Variants in SPAG16 observed in about 807,000 individuals in gnomAD.
SPAG16 encodes sperm-associated antigen 16 protein.
In SPAG16, 86 loss-of-function variants were observed where a neutral mutation model predicts 80.4. The observed-to-expected ratio is 1.07, with a 90% confidence interval of 0.90 to 1.28. SPAG16 has a LOEUF of 1.28. Among genes scored for constraint, SPAG16 ranks in the 50% most tolerant of loss-of-function variants. The pLI is 0.00. For synonymous variants in SPAG16, 294 were observed against 265.9 expected (o/e 1.11, Z -1.03); for missense variants, 870 against 765.3 (o/e 1.14, Z -1.61).
chr2:214,083,416 T>C (rs939054479), intron 13 of SPAG16, among the ~76,000 whole-genome samples: 2 of 152,248 alleles, frequency 1.3e-5, no homozygotes, highest in African/African-American at 4.8e-5. Flanking sequence ...ACTCTGCCAA[T>C]GGCTATGTGG....
Position 213,367,243 on chromosome 2 carries a change from A to T in SPAG16, c.832+3098A>T, listed in dbSNP as rs1043597165. Among the ~76,000 whole-genome samples the T allele has an allele frequency of 6.8e-3, 51 of 7,512 alleles. No homozygotes were observed. The Non-Finnish European group carries it at 0.098, about 14-fold the overall frequency. The allele number at this position is 7,512 out of a possible 152,430, so 4.9% of individuals were successfully genotyped here. A position where few individuals can be genotyped will look rare whatever the true frequency, so the allele number is the denominator to read the frequency against. ...TGCTATTGTGAATAGTGCCGCAATA[A>T]ACATAATGTGTGCATGTGTCTTTAC... On this transcript the variant is annotated intron_variant, in intron 8 of 15. Transcript: ENST00000331683.
chr2:213,663,578 C>T (rs775705173), intron 10 of SPAG16, among the ~76,000 whole-genome samples: 2 of 151,952 alleles, frequency 1.3e-5, no homozygotes, highest in East Asian at 1.9e-4. Flanking sequence ...AATTTGATAA[C>T]GTATACATAA....
At chr2:213,621,914 T>G (rs563377718) in intron 10 of SPAG16, among the ~76,000 whole-genome samples, 1 of 152,300 alleles carries the variant, frequency 6.6e-6, no homozygotes, top group East Asian at 1.9e-4. Flanking sequence ...GGACTACATT[T>G]TTTAGCAAGA....
chr2:213,984,259 T>C (rs955405163), intron 12 of SPAG16, among the ~76,000 whole-genome samples: 40 of 152,264 alleles, frequency 2.6e-4, no homozygotes, highest in African/African-American at 9.4e-4. Flanking sequence ...CATTGCATAC[T>C]GGACTATGTC....
At chr2:213,947,979 C>T (rs1163951586) in intron 12 of SPAG16, among the ~76,000 whole-genome samples, 1 of 151,982 alleles carries the variant, frequency 6.6e-6, no homozygotes, top group Non-Finnish European at 1.5e-5. Context: ...TTACTTTAAC[C>T]TGACTTTGCT....
intron 10 of SPAG16, among the ~76,000 whole-genome samples, chr2:213,721,164 A>G (rs544380136): frequency 2.6e-5 from 4 of 152,058 alleles, no homozygotes; most frequent in African/African-American, 7.2e-5. Context: ...CAGTGGCTTG[A>G]TCTCGGCTCA....
chr2:213,687,679 C>T (rs112458380), intron 10 of SPAG16, among the ~76,000 whole-genome samples: 7 of 151,996 alleles, frequency 4.6e-5, no homozygotes, highest in Non-Finnish European at 8.8e-5. Flanking sequence ...TGACCCCTTT[C>T]GAGATTTTAT....
chr2:213,630,292 G>C (rs1370602216), intron 10 of SPAG16, among the ~76,000 whole-genome samples: 2 of 151,968 alleles, frequency 1.3e-5, no homozygotes, highest in Admixed American at 1.3e-4. Context: ...GCTGAGGCAG[G>C]AGAATCGCTT....
At chr2:213,756,194 C>A (rs2068321144) in intron 10 of SPAG16, among the ~76,000 whole-genome samples, 1 of 152,054 alleles carries the variant, frequency 6.6e-6, no homozygotes, top group Non-Finnish European at 1.5e-5. Flanking sequence ...AGAAAAAAGT[C>A]TATGGGCCAG....
intron 13 of SPAG16, among the ~76,000 whole-genome samples, chr2:214,099,212 G>A (rs2052819164): frequency 6.6e-6 from 1 of 152,100 alleles, no homozygotes; most frequent in Non-Finnish European, 1.5e-5. Flanking sequence ...TCCTGGGAGA[G>A]TGGTGACTTT....
At chr2:214,244,241 G>GA (rs1196483333) in intron 15 of SPAG16, among the ~76,000 whole-genome samples, 1 of 151,694 alleles carries the variant, frequency 6.6e-6, no homozygotes, top group Non-Finnish European at 1.5e-5. Context: ...TATGAAAATT[G>GA]AAAACATGAC....
intron 15 of SPAG16, among the ~76,000 whole-genome samples, chr2:214,245,161 T>C (rs1431133249): frequency 6.6e-6 from 1 of 152,182 alleles, no homozygotes; most frequent in Non-Finnish European, 1.5e-5. Flanking sequence ...GCCAAATTAC[T>C]GCACAAGAAT....
At chr2:213,462,727 T>G (rs2072447823) in intron 9 of SPAG16, among the ~76,000 whole-genome samples, 1 of 152,240 alleles carries the variant, frequency 6.6e-6, no homozygotes, top group African/African-American at 2.4e-5. Flanking sequence ...ATTGTAAGTT[T>G]CCTGAGGCCT....
chr2:213,798,525 T>TA (rs1311429398), intron 10 of SPAG16, among the ~76,000 whole-genome samples: 1 of 152,108 alleles, frequency 6.6e-6, no homozygotes, highest in African/African-American at 2.4e-5. Flanking sequence ...AGAATGTTGG[T>TA]ATTAACAGAT....
chr2:213,720,899 C>A (rs1359701981), intron 10 of SPAG16, among the ~76,000 whole-genome samples: 1 of 151,132 alleles, frequency 6.6e-6, no homozygotes, highest in Non-Finnish European at 1.5e-5. Context: ...TTGCCTGCCA[C>A]CACGCCCGGC....
chr2:213,500,209 A>T (rs2074678304), intron 10 of SPAG16, among the ~76,000 whole-genome samples: 1 of 152,190 alleles, frequency 6.6e-6, no homozygotes, highest in Non-Finnish European at 1.5e-5. Flanking sequence ...AATTTAGAGT[A>T]TATTGTGTAT....
intron 12 of SPAG16, among the ~76,000 whole-genome samples, chr2:213,944,273 A>G (rs1235070194): frequency 6.6e-6 from 1 of 152,232 alleles, no homozygotes; most frequent in African/African-American, 2.4e-5. Context: ...CTGCAGAGGC[A>G]AAACTTACAT....
chr2:213,363,978 T>G, intron 7 of SPAG16, 98 bp from the exon 8 acceptor site: 1 of 425,064 alleles, frequency 2.4e-6, no homozygotes, highest in Non-Finnish European at 4.0e-6. Flanking sequence ...ATTAATATTT[T>G]TTATATTTTA....
intron 15 of SPAG16, among the ~76,000 whole-genome samples, chr2:214,159,110 T>A (rs1254440703): frequency 6.6e-6 from 1 of 151,984 alleles, no homozygotes; most frequent in Non-Finnish European, 1.5e-5. Flanking sequence ...TATGCTGGTA[T>A]GTTTGCAGAT....
Sources: allele counts gnomAD v4.1 joint callset (sites outside exome capture counted in the v4.1 genomes callset), GRCh38; gene constraint gnomAD v4.1.1; transcripts MANE v1.5; gene names NCBI Gene and HGNC (gene_info 2026-07-23, HGNC 2026-07-21).